Variants in SAMD3 observed in about 807,000 individuals in gnomAD.
SAMD3 encodes sterile alpha motif domain-containing protein 3.
In SAMD3, 63 loss-of-function variants were observed where a neutral mutation model predicts 58.5. That is an observed-to-expected ratio of 1.08 (90% CI 0.88 to 1.33). The LOEUF (loss-of-function observed/expected upper bound fraction) is 1.33, where lower values mean the gene tolerates loss of function less well. Ranked by LOEUF, SAMD3 falls within the 40% of genes most tolerant of loss-of-function variation. SAMD3 has a pLI of 0.00. For missense variants in SAMD3, 604 were observed against 608.4 expected (o/e 0.99, Z 0.08); for synonymous variants, 220 against 210.3 (o/e 1.05, Z -0.40).
chr6:130,289,984 T>C (rs1775310090), intron 2 of SAMD3, among the ~76,000 whole-genome samples: 1 of 152,134 alleles, frequency 6.6e-6, no homozygotes, highest in East Asian at 1.9e-4. Context: ...ATTTGGATAA[T>C]CTGCCTTCTG....
chr6:130,277,329 A>C (rs927899577), intron 2 of SAMD3, among the ~76,000 whole-genome samples: 1 of 152,192 alleles, frequency 6.6e-6, no homozygotes, highest in Non-Finnish European at 1.5e-5. Context: ...CATTCCTCCC[A>C]TGGTTAGCTT....
chr6:130,189,160 T>TAC (rs1416554739), intron 5 of SAMD3, among the ~76,000 whole-genome samples: 19 of 150,984 alleles, frequency 1.3e-4, no homozygotes, highest in African/African-American at 4.6e-4. Flanking sequence ...AGGAACTGAA[T>TAC]TGTGTTCCTT....
At chr6:130,328,608 C>G (rs1583112595) in intron 1 of SAMD3, among the ~76,000 whole-genome samples, 1 of 152,262 alleles carries the variant, frequency 6.6e-6, no homozygotes, top group Middle Eastern at 3.4e-3. Context: ...AAGCTTGGTC[C>G]TCTCAGCCTC....
intron 2 of SAMD3, among the ~76,000 whole-genome samples, chr6:130,293,226 G>A (rs1303491671): frequency 6.6e-6 from 1 of 152,166 alleles, no homozygotes. Flanking sequence ...AGTTCAAAAT[G>A]ACATTTGAGG....
intron 2 of SAMD3, among the ~76,000 whole-genome samples, chr6:130,232,414 T>C (rs184388707): frequency 6.6e-6 from 1 of 152,328 alleles, no homozygotes; most frequent in African/African-American, 2.4e-5. Context: ...TGTCTTACTA[T>C]CCTGTTTCAT....
rs1438801505 is a variant in SAMD3, at chr6:130,146,077, C to T, written c.1128G>A (p.Val376=). ...GCAATACAATATTGATTGGATTGTC[C>T]ACCACTGAAAAAGAAGTCAGTATAT... ...SENILTSFSV[V]DNPINIVLQE... The change falls in exon 10 of 12, where the codon GTG becomes GTA. Residue 376 remains valine (V), a synonymous_variant. Coordinates refer to ENST00000439090, the MANE Select transcript of SAMD3 (RefSeq NM_001017373.4). The T allele has an allele frequency of 1.3e-6, 2 of 1,598,104 alleles. No homozygotes were observed. Among genetic ancestry groups the T allele is most frequent in the Non-Finnish European group, 8.5e-7 (1 of 1,172,094 alleles).
Position 130,184,605 on chromosome 6 carries a change from A to G in SAMD3, c.402T>C (p.Ile134=). The G allele has an allele frequency of 6.2e-7, 1 of 1,607,348 alleles. No homozygotes were observed. Among genetic ancestry groups the G allele is most frequent in the Middle Eastern group, 1.7e-4 (1 of 6,040 alleles). ...VLKQRRNVKQ[I]LARSKALQWT... The stretch of plus-strand genomic sequence containing the variant: ...ACTGTAATGCTTTGCTTCTTGCTAG[A>G]ATTTGTTTCACATTTCTTCTGTGAA... The change falls in exon 6 of 12, where the codon ATT becomes ATC. Residue 134 remains isoleucine (I), a synonymous_variant. Transcript: ENST00000439090.
chr6:130,294,469 T>C (rs889677853), intron 2 of SAMD3, among the ~76,000 whole-genome samples: 1 of 152,242 alleles, frequency 6.6e-6, no homozygotes, highest in African/African-American at 2.4e-5. Context: ...TTCTTTAGAC[T>C]CTTCAGAAGG....
rs532489940 is a variant in SAMD3, at chr6:130,351,478, G to T, written c.-304+13642C>A. On this transcript the variant is annotated intron_variant, in intron 1 of 13. Transcript: ENST00000368134. ...GCAGCCAAAAGACACACGAAAAAAT[G>T]CTCATCATCACTGGCCATCAGAGAA... is the stretch of plus-strand genomic sequence containing the variant. 1.5e-3 allele frequency among the ~76,000 whole-genome samples: 228 copies of T among 152,286 alleles called. 2 individuals are homozygous for T. The highest frequency in any genetic ancestry group is 5.2e-3 in the African/African-American group (218 of 41,564).
At chr6:130,197,903 C>A (rs1164915619) in intron 5 of SAMD3, among the ~76,000 whole-genome samples, 1 of 152,158 alleles carries the variant, frequency 6.6e-6, no homozygotes, top group Non-Finnish European at 1.5e-5. Flanking sequence ...CCTGCCTTAA[C>A]TGATGACATT....
chr6:130,184,016 G>T (rs1248358678), intron 7 of SAMD3, 87 bp downstream of exon 7: 2 of 955,058 alleles, frequency 2.1e-6, no homozygotes, highest in Non-Finnish European at 1.7e-6. Context: ...AAGAAAAGAT[G>T]GGTGAAGCAT....
At chr6:130,359,137 A>G (rs1777914898) in intron 1 of SAMD3, among the ~76,000 whole-genome samples, 1 of 152,238 alleles carries the variant, frequency 6.6e-6, no homozygotes, top group African/African-American at 2.4e-5. Flanking sequence ...TGAAGAGTTA[A>G]TAGTTATAAA....
At chr6:130,223,999 T>C (rs1457442194), upstream of SAMD3, among the ~76,000 whole-genome samples, 1 of 152,020 alleles carries the variant, frequency 6.6e-6, no homozygotes, top group South Asian at 2.1e-4. Context: ...GGAGAATGGG[T>C]GCACAGTTTT....
chr6:130,292,803 A>G (rs375515899), intron 2 of SAMD3, among the ~76,000 whole-genome samples: 1 of 151,706 alleles, frequency 6.6e-6, no homozygotes, highest in African/African-American at 2.4e-5. Flanking sequence ...TATTTTTAGT[A>G]GAGACGGGGT....
At chr6:130,182,407 T>C (rs1792442014) in intron 7 of SAMD3, among the ~76,000 whole-genome samples, 1 of 152,174 alleles carries the variant, frequency 6.6e-6, no homozygotes, top group Non-Finnish European at 1.5e-5. Context: ...AGACATGGTA[T>C]ACAACATCTT....
intron 1 of SAMD3, among the ~76,000 whole-genome samples, chr6:130,336,982 T>C (rs549158889): frequency 2.0e-5 from 3 of 152,266 alleles, no homozygotes; most frequent in East Asian, 3.9e-4. Flanking sequence ...CCAGCAAAGA[T>C]TGTAAGACCA....
intron 2 of SAMD3, among the ~76,000 whole-genome samples, chr6:130,271,190 G>A (rs1774550540): frequency 6.6e-6 from 1 of 151,958 alleles, no homozygotes; most frequent in African/African-American, 2.4e-5. Flanking sequence ...TGTAGAGACA[G>A]GGTTTCGCCA....
chr6:130,164,812 C>T (rs868010506), intron 8 of SAMD3, among the ~76,000 whole-genome samples: 1 of 151,994 alleles, frequency 6.6e-6, no homozygotes, highest in African/African-American at 2.4e-5. Context: ...ATTTCATTGG[C>T]CAGCCTTGTC....
At chr6:130,234,924 G>A (rs569575995) in intron 2 of SAMD3, among the ~76,000 whole-genome samples, 1 of 152,300 alleles carries the variant, frequency 6.6e-6, no homozygotes, top group Non-Finnish European at 1.5e-5. Flanking sequence ...AACAGTCTGG[G>A]CAACATAGGG....
Sources: allele counts gnomAD v4.1 joint callset (sites outside exome capture counted in the v4.1 genomes callset), GRCh38; gene constraint gnomAD v4.1.1; transcripts MANE v1.5; gene names NCBI Gene and HGNC (gene_info 2026-07-23, HGNC 2026-07-21).